Variants in CCDC148 observed in about 807,000 individuals in gnomAD.
CCDC148 encodes the protein coiled-coil domain-containing protein 148.
CCDC148 carries 89 observed loss-of-function variants against 85.7 expected under a neutral mutation model. The observed-to-expected ratio is 1.04, with a 90% confidence interval of 0.87 to 1.24. The LOEUF (loss-of-function observed/expected upper bound fraction) is 1.24. Among genes scored for constraint, CCDC148 ranks in the 50% most tolerant of loss-of-function variants. The pLI is 0.00. For missense variants in CCDC148, 692 were observed against 671.7 expected, an observed-to-expected ratio of 1.03 and a Z score of -0.33; for synonymous variants, 230 against 213.9, an observed-to-expected ratio of 1.08 and a Z score of -0.66.
chr2:158,222,828 T>C (rs912699415), intron 10 of CCDC148, among the ~76,000 whole-genome samples: 6 of 152,298 alleles, frequency 3.9e-5, no homozygotes, highest in Non-Finnish European at 7.4e-5. Context: ...AGAATTCAGA[T>C]ACTTGGAGTG....
At chr2:158,232,636 G>A in intron 10 of CCDC148, among the ~76,000 whole-genome samples, 1 of 152,146 alleles carries the variant, frequency 6.6e-6, no homozygotes, top group Middle Eastern at 3.2e-3. Context: ...ATAGACTTCT[G>A]TACATTGTTG....
intron 7 of CCDC148, among the ~76,000 whole-genome samples, chr2:158,317,305 T>C (rs185578899): frequency 1.3e-5 from 2 of 152,350 alleles, no homozygotes; most frequent in Admixed American, 6.5e-5. Flanking sequence ...AGAATGTTCA[T>C]CTTTATCGTA....
rs151165817 is a variant in CCDC148, at chr2:158,272,590, G to A, written c.1111-21678C>T. ...ACTCAGACCTTTTGATGAAGCTGCAGAATCCCCAGCCCCTGAGAGTAGGAT... is the reference window on the plus strand; with the variant it reads ...ACTCAGACCTTTTGATGAAGCTGCAAAATCCCCAGCCCCTGAGAGTAGGAT... On this transcript the variant is annotated intron_variant, in intron 9 of 13. Transcript: ENST00000283233. 2.0e-4 allele frequency among the ~76,000 whole-genome samples: 31 copies of A among 152,272 alleles called. No individual in the cohort carries two copies. In the East Asian group the frequency reaches 6.0e-3, roughly 29 times the overall value.
chr2:158,439,424 A>G (rs1170283054), intron 1 of CCDC148, among the ~76,000 whole-genome samples: 1 of 152,162 alleles, frequency 6.6e-6, no homozygotes, highest in Non-Finnish European at 1.5e-5. Context: ...GGAATTGAAC[A>G]ATCAGAACAC....
At chr2:158,321,412 G>A (rs146196629) in intron 7 of CCDC148, among the ~76,000 whole-genome samples, 12 of 152,190 alleles carry the variant, frequency 7.9e-5, no homozygotes, top group African/African-American at 2.9e-4. Flanking sequence ...AGGTAATTAC[G>A]CTGCTGTTTC....
chr2:158,429,761 TA>T (rs1324026449), intron 1 of CCDC148, among the ~76,000 whole-genome samples: 2 of 152,140 alleles, frequency 1.3e-5, no homozygotes, highest in Non-Finnish European at 2.9e-5. Flanking sequence ...ACAAAATATA[TA>T]AAACCCATGT....
intron 7 of CCDC148, among the ~76,000 whole-genome samples, chr2:158,315,057 A>G (rs1021372623): frequency 6.6e-6 from 1 of 152,214 alleles, no homozygotes; most frequent in Admixed American, 6.5e-5. Context: ...GGGGGAAAAA[A>G]AGAGAGTTGG....
chr2:158,223,569 C>T (rs868510984), intron 10 of CCDC148, among the ~76,000 whole-genome samples: 1 of 152,188 alleles, frequency 6.6e-6, no homozygotes, highest in African/African-American at 2.4e-5. Flanking sequence ...GAGGCACCCC[C>T]CAGTAGGGGC....
At chr2:158,344,899 T>C (rs1393899060) in intron 3 of CCDC148, among the ~76,000 whole-genome samples, 2 of 152,098 alleles carry the variant, frequency 1.3e-5, no homozygotes, top group East Asian at 3.8e-4. Context: ...AAAAAACATG[T>C]ATCCAAAACA....
rs932584782 is a variant in CCDC148, at chr2:158,444,730, A to G, written c.25+11685T>C. Among the ~76,000 whole-genome samples, 172 of 134,616 alleles carry G rather than the reference A, an allele frequency of 1.3e-3. 1 individual carries two copies. Among genetic ancestry groups the G allele is most frequent in the African/African-American group, 4.4e-3 (162 of 37,088 alleles). The allele number at this position is 134,616 out of a possible 152,430, so 88.3% of individuals were successfully genotyped here. ...CTGGGGAGAGGTTTAGACCGCAGGG[A>G]GCTGAGATTTAGCCACTGCACTCCA... On this transcript the variant is annotated intron_variant, in intron 1 of 13. Transcript: ENST00000283233.
chr2:158,197,111 T>C (rs1242849651), intron 11 of CCDC148, among the ~76,000 whole-genome samples: 2 of 152,176 alleles, frequency 1.3e-5, no homozygotes, highest in East Asian at 1.9e-4. Flanking sequence ...AAAGTGATCA[T>C]GGAGAATGAT....
chr2:158,249,335 T>C (rs1229780422), intron 10 of CCDC148, among the ~76,000 whole-genome samples: 3 of 152,190 alleles, frequency 2.0e-5, no homozygotes, highest in African/African-American at 7.2e-5. Flanking sequence ...ATAACTGTAC[T>C]TTCATAACAG....
chr2:158,383,190 G>A (rs1684950498), intron 1 of CCDC148, among the ~76,000 whole-genome samples: 1 of 151,892 alleles, frequency 6.6e-6, no homozygotes, highest in South Asian at 2.1e-4. Context: ...GGTGACGTAT[G>A]TCTATAATTC....
At chr2:158,230,245 T>C (rs1182561577) in intron 10 of CCDC148, among the ~76,000 whole-genome samples, 1 of 152,204 alleles carries the variant, frequency 6.6e-6, no homozygotes, top group Non-Finnish European at 1.5e-5. Context: ...AGTAAATGAA[T>C]GAATGAATGG....
chr2:158,356,694 C>T (rs1397827639), intron 2 of CCDC148, among the ~76,000 whole-genome samples: 11 of 146,230 alleles, frequency 7.5e-5, no homozygotes, highest in African/African-American at 2.8e-4. Flanking sequence ...GGATCTAGAA[C>T]TGGAAATACC....
At chr2:158,357,967 A>C (rs1683746266) in intron 2 of CCDC148, among the ~76,000 whole-genome samples, 2 of 152,168 alleles carry the variant, frequency 1.3e-5, no homozygotes, top group African/African-American at 2.4e-5. Flanking sequence ...ACTGTGCAAA[A>C]TCACTTGCAC....
chr2:158,243,717 T>C (rs1203629517), intron 10 of CCDC148, among the ~76,000 whole-genome samples: 1 of 152,174 alleles, frequency 6.6e-6, no homozygotes, highest in Non-Finnish European at 1.5e-5. Flanking sequence ...AGTCTGTTCT[T>C]CATGCCATAC....
intron 13 of CCDC148, among the ~76,000 whole-genome samples, chr2:158,174,791 A>G (rs889195206): frequency 6.6e-6 from 1 of 152,070 alleles, no homozygotes; most frequent in Non-Finnish European, 1.5e-5. Flanking sequence ...GAGGAAATGC[A>G]TTGTGCTATG....
intron 1 of CCDC148, among the ~76,000 whole-genome samples, chr2:158,372,408 T>C (rs1439063991): frequency 1.3e-5 from 2 of 152,030 alleles, no homozygotes; most frequent in Non-Finnish European, 2.9e-5. Flanking sequence ...TCCCCTTGAA[T>C]GTGGGATCCA....
Sources: allele counts gnomAD v4.1 joint callset (sites outside exome capture counted in the v4.1 genomes callset), GRCh38; gene constraint gnomAD v4.1.1; transcripts MANE v1.5; gene names NCBI Gene and HGNC (gene_info 2026-07-23, HGNC 2026-07-21).